PDE4D: variants seen among roughly 807,000 people sequenced by gnomAD.
PDE4D encodes 3',5'-cyclic-AMP phosphodiesterase 4D.
A neutral mutation model predicts 87.4 loss-of-function variants in PDE4D; 24 were observed. The observed-to-expected ratio is 0.27, with a 90% CI of 0.20 to 0.39. The LOEUF is 0.39. PDE4D is among the 10% of genes least tolerant of loss of function. PDE4D has a pLI of 1.00. For synonymous variants in PDE4D, 384 were observed against 383.2 expected (o/e 1.00, Z -0.02); for missense variants, 714 against 1,041.0 (o/e 0.69, Z 4.32).
chr5:59,823,694 C>A (rs940231136), intron 1 of PDE4D, among the ~76,000 whole-genome samples: 2 of 151,950 alleles, frequency 1.3e-5, no homozygotes, highest in African/African-American at 2.4e-5. Context: ...AAAAACATCC[C>A]ATCTTACCTC....
chr5:60,335,559 T>A (rs1423794730), intron 1 of PDE4D, among the ~76,000 whole-genome samples: 1 of 152,142 alleles, frequency 6.6e-6, no homozygotes, highest in African/African-American at 2.4e-5. Flanking sequence ...CCCTTTTTAG[T>A]AAATGCTCTA....
intron 1 of PDE4D, among the ~76,000 whole-genome samples, chr5:59,251,073 C>A (rs879249615): frequency 6.6e-6 from 1 of 152,062 alleles, no homozygotes; most frequent in South Asian, 2.1e-4. Context: ...ACTATAGAAA[C>A]CCTGGAAGAT....
chr5:59,085,027 G>C (rs1011569275), intron 5 of PDE4D, among the ~76,000 whole-genome samples: 16 of 151,976 alleles, frequency 1.1e-4, no homozygotes, highest in African/African-American at 3.9e-4. Context: ...TTAAAATATT[G>C]GGCAATTCTT....
intron 3 of PDE4D, among the ~76,000 whole-genome samples, chr5:59,964,301 T>G (rs72753229): frequency 0.014 from 2,095 of 152,230 alleles, 21 homozygotes; most frequent in Non-Finnish European, 0.023. Flanking sequence ...ACCAATATAT[T>G]TATAGGATTT....
chr5:60,471,015 T>A (rs1747777135), intron 1 of PDE4D, among the ~76,000 whole-genome samples: 1 of 152,200 alleles, frequency 6.6e-6, no homozygotes, highest in Non-Finnish European at 1.5e-5. Flanking sequence ...CTAATGGATA[T>A]GAGCAATGTC....
At chr5:59,199,901 C>T (rs1034353278) in intron 2 of PDE4D, among the ~76,000 whole-genome samples, 1 of 151,528 alleles carries the variant, frequency 6.6e-6, no homozygotes, top group African/African-American at 2.4e-5. Flanking sequence ...TACATATATA[C>T]ATATATGCAT....
In PDE4D at chr5:58,981,417, T is replaced by C. The variant is rs1456171231; in HGVS notation, c.1553-4072A>G. ...TCCTGATAGCCTATAACTTAAATAC[T>C]ATGATATAAAATAAATACTTAAATA... On this transcript the variant is annotated intron_variant, in intron 11 of 14. Coordinates refer to ENST00000340635, the MANE Select transcript of PDE4D (RefSeq NM_001104631.2). Among the ~76,000 whole-genome samples, 17 of 152,104 alleles carry C rather than the reference T, an allele frequency of 1.1e-4. No homozygotes were observed. In the South Asian group the frequency reaches 2.7e-3, roughly 24 times the overall value.
In PDE4D at chr5:60,200,989, A is replaced by G. The variant is rs532663594; in HGVS notation, c.-89-15302T>C. Among the ~76,000 whole-genome samples the G allele has an allele frequency of 9.5e-4, 144 of 152,288 alleles. 1 individual carries two copies. Among genetic ancestry groups the G allele is most frequent in the African/African-American group, 3.2e-3 (135 of 41,572 alleles). On this transcript the variant is annotated intron_variant, in intron 1 of 16. Transcript: ENST00000502484. ...AAGTCATATCTTTCTCAAATAGCCA[A>G]TGTCTTGCTTAGTGATCAAAGATGG...
At chr5:60,046,951 C>T (rs1012177451) in intron 2 of PDE4D, among the ~76,000 whole-genome samples, 155 of 152,256 alleles carry the variant, frequency 1.0e-3, no homozygotes, top group African/African-American at 3.6e-3. Context: ...GGTACCAGCT[C>T]CTCCTTGTAC....
intron 1 of PDE4D, among the ~76,000 whole-genome samples, chr5:59,521,298 G>A (rs1002327281): frequency 6.6e-6 from 1 of 152,142 alleles, no homozygotes; most frequent in African/African-American, 2.4e-5. Context: ...ATGTATAAGG[G>A]AGACTTGGCC....
chr5:60,342,363 C>A (rs543872336), intron 1 of PDE4D, among the ~76,000 whole-genome samples: 1 of 152,058 alleles, frequency 6.6e-6, no homozygotes, highest in Non-Finnish European at 1.5e-5. Flanking sequence ...GTGGAAGGTG[C>A]GAGCTCAGTC....
rs189453693 is a variant in PDE4D, at chr5:59,064,805, T to C, written c.809-25834A>G. On this transcript the variant is annotated intron_variant, in intron 5 of 14. Transcript: ENST00000340635. The stretch of plus-strand genomic sequence containing the variant: ...ATTTATTTTTAAGCTCTAGCTTTTT[T>C]CCCCACCATTCCAACAAATAGCCTG... Among the ~76,000 whole-genome samples the C allele has an allele frequency of 2.9e-3, 443 of 152,196 alleles. 1 individual carries two copies. Among genetic ancestry groups the C allele is most frequent in the Non-Finnish European group, 3.6e-3 (242 of 68,000 alleles).
chr5:60,497,303 G>A (rs1327255047), intron 1 of PDE4D, among the ~76,000 whole-genome samples: 3 of 144,618 alleles, frequency 2.1e-5, no homozygotes, highest in Non-Finnish European at 3.0e-5. Context: ...TGATAGCATT[G>A]TTATCTTTAT....
chr5:60,094,471 C>A (rs537360610), intron 2 of PDE4D, among the ~76,000 whole-genome samples: 4 of 152,058 alleles, frequency 2.6e-5, no homozygotes, highest in African/African-American at 9.6e-5. Context: ...ATATTGAAAT[C>A]CTCACCCACC....
At chr5:60,054,967 A>G (rs1381426561) in intron 2 of PDE4D, among the ~76,000 whole-genome samples, 1 of 152,104 alleles carries the variant, frequency 6.6e-6, no homozygotes, top group African/African-American at 2.4e-5. Context: ...CAACGAATAT[A>G]AAGAGATAAC....
intron 2 of PDE4D, among the ~76,000 whole-genome samples, chr5:60,176,861 A>T (rs1398784405): frequency 5.3e-5 from 8 of 152,012 alleles, no homozygotes; most frequent in African/African-American, 1.9e-4. Context: ...GTAAATTATT[A>T]TGTTTACTTG....
chr5:59,622,794 A>G (rs1166853372), intron 1 of PDE4D, among the ~76,000 whole-genome samples: 1 of 152,184 alleles, frequency 6.6e-6, no homozygotes, highest in African/African-American at 2.4e-5. Flanking sequence ...CTGTAAACTC[A>G]AAGAAGTACT....
At chr5:60,202,202 G>T (rs1034356416) in intron 1 of PDE4D, among the ~76,000 whole-genome samples, 1 of 152,218 alleles carries the variant, frequency 6.6e-6, no homozygotes, top group East Asian at 1.9e-4. Flanking sequence ...TTGAGACAGG[G>T]TTTGGCTCTG....
At chr5:60,399,722 G>C (rs1477660459) in intron 1 of PDE4D, among the ~76,000 whole-genome samples, 1 of 152,236 alleles carries the variant, frequency 6.6e-6, no homozygotes, top group Non-Finnish European at 1.5e-5. Context: ...CACCAGCAGT[G>C]GCCGTGCCGG....
Sources: gnomAD v4.1 joint callset for allele counts (sites outside exome capture counted in the v4.1 genomes callset) on GRCh38, gnomAD v4.1.1 for gene constraint, MANE v1.5 for transcripts, NCBI Gene and HGNC (gene_info 2026-07-23, HGNC 2026-07-21) for gene names.